ATG14: variants seen among roughly 807,000 people sequenced by gnomAD.
The protein encoded by ATG14 is autophagy related 14.
ATG14 carries 35 observed loss-of-function variants against 60.4 expected under a neutral mutation model. That is an observed-to-expected ratio of 0.58 (90% CI 0.44 to 0.77). The LOEUF (loss-of-function observed/expected upper bound fraction) is 0.77, where lower values mean the gene tolerates loss of function less well. Among genes scored for constraint, ATG14 ranks in the 30% least tolerant of loss-of-function variants. The probability of loss-of-function intolerance (pLI) is 0.00; values close to 1 mark genes in which losing one functional copy is unlikely to be tolerated. For missense variants in ATG14, 647 were observed against 626.3 expected, an observed-to-expected ratio of 1.03 and a Z score of -0.35; for synonymous variants, 234 against 228.8, an observed-to-expected ratio of 1.02 and a Z score of -0.21.
intron 2 of ATG14, among the ~76,000 whole-genome samples, chr14:55,396,701 C>T (rs1885319145): frequency 6.6e-6 from 1 of 152,170 alleles, no homozygotes; most frequent in Non-Finnish European, 1.5e-5. Context: ...TAAAGAGAAA[C>T]TGAATGAAGG....
In ATG14 at chr14:55,402,648, T is replaced by C. The variant is rs115860432; in HGVS notation, c.222-5214A>G. Among the ~76,000 whole-genome samples, 1,257 of 151,798 alleles carry C rather than the reference T, an allele frequency of 8.3e-3. 22 individuals are homozygous for C. The highest frequency in any genetic ancestry group is 0.029 in the African/African-American group (1,208 of 41,380). ...GTATGATTTTCATAGGCAAATAAGA[T>C]TTAAAAACCTGGTCCTTATCAGGAT... On this transcript the variant is annotated intron_variant, in intron 1 of 9. Coordinates refer to ENST00000247178, the MANE Select transcript of ATG14 (RefSeq NM_014924.5).
chr14:55,375,081 T>TAA (rs891493179), intron 9 of ATG14, among the ~76,000 whole-genome samples: 19 of 152,356 alleles, frequency 1.2e-4, no homozygotes, highest in African/African-American at 4.3e-4. Context: ...TGGAAAATCA[T>TAA]AAGGGTTTTC....
Position 55,411,735 on chromosome 14 carries a change from C to T in ATG14, c.88G>A (p.Val30Met). The T allele has an allele frequency of 6.2e-7, 1 of 1,611,316 alleles. No individual in the cohort carries two copies. Among genetic ancestry groups the T allele is most frequent in the Non-Finnish European group, 8.5e-7 (1 of 1,179,128 alleles). ...RPLARDLVDS[V>M]DDAEGLYVAV... ...ACGTACAGCCCCTCCGCATCGTCCA[C>T]GGAGTCCACCAGGTCCCGGGCGAGC... The change falls in exon 1 of 10, where the codon GTG (valine) becomes ATG (methionine). Residue 30 changes from valine (V) to methionine (M), a missense_variant. Val to Met is a conservative substitution (Grantham distance 21, BLOSUM62 1). Coordinates refer to ENST00000247178, the MANE Select transcript of ATG14 (RefSeq NM_014924.5).
chr14:55,408,884 G>C (rs1885529349), intron 1 of ATG14, among the ~76,000 whole-genome samples: 1 of 152,218 alleles, frequency 6.6e-6, no homozygotes, highest in African/African-American at 2.4e-5. Flanking sequence ...CTAAATTAGA[G>C]AGGCAAACAG....
At chr14:55,370,780 A>ACAGGCACCTGC (rs888746358) in intron 9 of ATG14, among the ~76,000 whole-genome samples, 2 of 151,990 alleles carry the variant, frequency 1.3e-5, no homozygotes, top group Admixed American at 1.3e-4. Context: ...AGCTGGGATT[A>ACAGGCACCTGC]CAGGCACCTG....
chr14:55,388,893 C>T (rs1885167869), intron 4 of ATG14, among the ~76,000 whole-genome samples: 1 of 152,126 alleles, frequency 6.6e-6, no homozygotes, highest in African/African-American at 2.4e-5. Flanking sequence ...CATCTGTAAA[C>T]TGTTAACCAG....
intron 7 of ATG14, 89 bp from the exon 8 acceptor site, chr14:55,378,163 A>G (rs1446476992): frequency 2.8e-6 from 3 of 1,074,268 alleles, no homozygotes; most frequent in Non-Finnish European, 4.2e-6. Context: ...TAGGTATAAC[A>G]CATACTCTGT....
intron 3 of ATG14, 66 bp downstream of exon 3, chr14:55,395,874 T>C (rs1885306520): frequency 8.4e-7 from 1 of 1,183,876 alleles, no homozygotes; most frequent in South Asian, 2.0e-5. Flanking sequence ...TTAAAAATAA[T>C]TTTATAAGCT....
At chr14:55,388,776 G>C (rs1399795886) in intron 4 of ATG14, among the ~76,000 whole-genome samples, 1 of 152,182 alleles carries the variant, frequency 6.6e-6, no homozygotes, top group African/African-American at 2.4e-5. Context: ...TCTAGAGGGT[G>C]GGAAGGAGAC....
intron 7 of ATG14, among the ~76,000 whole-genome samples, chr14:55,379,327 G>A (rs1884984255): frequency 1.3e-5 from 2 of 151,898 alleles, no homozygotes; most frequent in East Asian, 2.0e-4. Flanking sequence ...CTTGAGCCCA[G>A]GAGTTCAAGA....
At chr14:55,380,875 A>ATTTTTTTTTTTTT (rs1170779991) in intron 6 of ATG14, among the ~76,000 whole-genome samples, 185 bp from the exon 7 acceptor site, 2 of 112,732 alleles carry the variant, frequency 1.8e-5, no homozygotes, top group Non-Finnish European at 3.5e-5. Flanking sequence ...ATATATATAT[A>ATTTTTTTTTTTTT]TTTTTTTTTT....
chr14:55,403,336 C>G (rs1279224289), intron 1 of ATG14, among the ~76,000 whole-genome samples: 3 of 151,960 alleles, frequency 2.0e-5, no homozygotes, highest in African/African-American at 7.3e-5. Flanking sequence ...AATCAGACCA[C>G]AAAAAGAGAC....
intron 4 of ATG14, among the ~76,000 whole-genome samples, chr14:55,386,546 T>G (rs1885128887): frequency 6.6e-6 from 1 of 152,134 alleles, no homozygotes; most frequent in Non-Finnish European, 1.5e-5. Context: ...CAGCAGGTGG[T>G]CATCCAGTAG....
intron 9 of ATG14, among the ~76,000 whole-genome samples, chr14:55,376,009 T>C (rs1884913502): frequency 6.6e-6 from 1 of 152,234 alleles, no homozygotes; most frequent in Non-Finnish European, 1.5e-5. Flanking sequence ...TAATTCTCTT[T>C]GGCATCTATC....
chr14:55,369,339 C>T lies in ATG14; in HGVS notation c.*280G>A, dbSNP rs1358905438. ...GAACCCAAATCAACTGCTTCCTTGG[C>T]AGAACTGGCCACACGCACAGGTCCT... On this transcript the variant is annotated 3_prime_UTR_variant, in exon 10 of 10. Coordinates refer to ENST00000247178, the MANE Select transcript of ATG14 (RefSeq NM_014924.5). 4.0e-6 allele frequency: 1 copy of T among 252,262 alleles called. No homozygotes were observed. The highest frequency in any genetic ancestry group is 7.5e-6 in the Non-Finnish European group (1 of 133,746). The allele number at this position is 252,262 out of a possible 1,614,324, so 15.6% of individuals were successfully genotyped here.
intron 1 of ATG14, among the ~76,000 whole-genome samples, chr14:55,407,516 C>T (rs761761690): frequency 1.8e-4 from 27 of 152,208 alleles, no homozygotes; most frequent in Non-Finnish European, 3.1e-4. Flanking sequence ...CCGCCTGCCT[C>T]GGCCTCCCAA....
At chr14:55,386,750 G>A (rs903872261) in intron 4 of ATG14, among the ~76,000 whole-genome samples, 2 of 152,172 alleles carry the variant, frequency 1.3e-5, no homozygotes, top group Admixed American at 1.3e-4. Flanking sequence ...GTCAGATTTA[G>A]GTCCTTTTTG....
chr14:55,380,563 A>T lies in ATG14; in HGVS notation c.995+10T>A. On this transcript the variant is annotated intron_variant, in intron 7 of 9. Coordinates refer to ENST00000247178, the MANE Select transcript of ATG14 (RefSeq NM_014924.5). ...TGATAAAGATGACATTACCACCTTCAATTACTTGCCTGTTGCAGAGCTTTT... is the reference window on the plus strand; with the variant it reads ...TGATAAAGATGACATTACCACCTTCTATTACTTGCCTGTTGCAGAGCTTTT... 1.3e-6 allele frequency: 2 copies of T among 1,551,730 alleles called. No homozygotes were observed. The highest frequency in any genetic ancestry group is 1.8e-6 in the Non-Finnish European group (2 of 1,127,018).
intron 5 of ATG14, among the ~76,000 whole-genome samples, chr14:55,385,602 TTCTTAATCAGGAGTGTGAG>T (rs1885111629): frequency 1.3e-5 from 2 of 152,230 alleles, no homozygotes; most frequent in Admixed American, 1.3e-4. Flanking sequence ...CATCAGATGG[TTCTTAATCAGGAGTGTGAG>T]TCAGCACCTC....
Sources: allele counts gnomAD v4.1 joint callset (sites outside exome capture counted in the v4.1 genomes callset), GRCh38; gene constraint gnomAD v4.1.1; transcripts MANE v1.5; gene names NCBI Gene and HGNC (gene_info 2026-07-23, HGNC 2026-07-21).